The following ATG7 variants were observed in gnomAD, a reference collection of about 807,000 sequenced individuals.
ATG7 encodes the protein autophagy related 7.
Under a neutral mutation model 82.4 loss-of-function variants are expected in ATG7, and 70 were observed. That is an observed-to-expected ratio of 0.85 (90% CI 0.70 to 1.04). The LOEUF is 1.04. Ranked by LOEUF, ATG7 falls within the 50% of genes least tolerant of loss-of-function variation. ATG7 has a pLI of 0.00. For synonymous variants in ATG7, 287 were observed against 313.0 expected, an observed-to-expected ratio of 0.92 and a Z score of 0.88; for missense variants, 792 against 864.3, an observed-to-expected ratio of 0.92 and a Z score of 1.05.
chr3:11,461,158 G>C (rs1362563921), intron 20 of ATG7, among the ~76,000 whole-genome samples: 1 of 152,218 alleles, frequency 6.6e-6, no homozygotes, highest in African/African-American at 2.4e-5. Flanking sequence ...TAGGGTGTCA[G>C]TGCTGGGCAG....
chr3:11,573,484 G>T, the ATG7 span, among the ~76,000 whole-genome samples: 1 of 152,150 alleles, frequency 6.6e-6, no homozygotes, highest in African/African-American at 2.4e-5. Flanking sequence ...AGTATTTGCA[G>T]GTCATCCACC....
chr3:11,530,305 G>A (rs540588795), intron 20 of ATG7, among the ~76,000 whole-genome samples: 6 of 152,272 alleles, frequency 3.9e-5, no homozygotes, highest in South Asian at 2.1e-4. Context: ...TGCGGTGCGC[G>A]TGCAGTCCCT....
intron 20 of ATG7, among the ~76,000 whole-genome samples, chr3:11,492,391 A>G (rs1341359563): frequency 1.2e-4 from 18 of 152,154 alleles, no homozygotes; most frequent in Admixed American, 9.2e-4. Context: ...TGAACCCAGT[A>G]CCTCAGATGG....
intron 19 of ATG7, among the ~76,000 whole-genome samples, chr3:11,397,570 G>T (rs2079420384): frequency 6.6e-6 from 1 of 151,768 alleles, no homozygotes; most frequent in Non-Finnish European, 1.5e-5. Context: ...TGATTCTCCT[G>T]CCTCAGCCTC....
At chr3:11,347,328 A>G (rs553124850) in intron 13 of ATG7, among the ~76,000 whole-genome samples, 3 of 152,246 alleles carry the variant, frequency 2.0e-5, no homozygotes, top group Non-Finnish European at 4.4e-5. Flanking sequence ...AACTATTTCT[A>G]AGAATATAGA....
chr3:11,369,864 G>A (rs1575765411), intron 18 of ATG7, among the ~76,000 whole-genome samples: 1 of 151,080 alleles, frequency 6.6e-6, no homozygotes, highest in East Asian at 1.9e-4. Context: ...GTTTAGGAAG[G>A]CAGCCTGAAG....
At chr3:11,366,419 G>A (rs1235193974) in intron 18 of ATG7, among the ~76,000 whole-genome samples, 2 of 152,016 alleles carry the variant, frequency 1.3e-5, no homozygotes, top group East Asian at 3.9e-4. Flanking sequence ...ACATGCATGT[G>A]TTAATCTTTT....
intron 20 of ATG7, among the ~76,000 whole-genome samples, chr3:11,553,840 T>C (rs1337823638): frequency 2.0e-5 from 3 of 152,202 alleles, no homozygotes; most frequent in African/African-American, 7.2e-5. Context: ...GGTGTTGATA[T>C]TTACCTTGGC....
At chr3:11,492,928 T>A (rs1266091801) in intron 20 of ATG7, among the ~76,000 whole-genome samples, 1 of 152,246 alleles carries the variant, frequency 6.6e-6, no homozygotes, top group Non-Finnish European at 1.5e-5. Flanking sequence ...CAATGCTCTC[T>A]TAGCTCCGCC....
At chr3:11,570,748 T>C in the ATG7 span, among the ~76,000 whole-genome samples, 2 of 152,328 alleles carry the variant, frequency 1.3e-5, no homozygotes, top group African/African-American at 4.8e-5. Flanking sequence ...GTGAGATGTC[T>C]TCTCCCTTTT....
At chr3:11,461,680 A>G (rs918220312) in intron 20 of ATG7, among the ~76,000 whole-genome samples, 1 of 152,196 alleles carries the variant, frequency 6.6e-6, no homozygotes, top group African/African-American at 2.4e-5. Flanking sequence ...GAAACAGAAC[A>G]TCAAAACCAA....
Position 11,331,375 on chromosome 3 carries a change from C to G in ATG7, c.714C>G (p.Ala238=), listed in dbSNP as rs528024913. 6.2e-7 allele frequency: 1 copy of G among 1,613,724 alleles called. No individual in the cohort carries two copies. Among genetic ancestry groups the G allele is most frequent in the Non-Finnish European group, 8.5e-7 (1 of 1,179,782 alleles). ...TIGVYDPCNL[A]QYPGWPLRNF... Reference sequence around the variant, plus strand: ...GTGTATATGATCCCTGTAACTTAGCCCAGTACCCTGGATGGCCTTTGAGGA... The same window carrying G: ...GTGTATATGATCCCTGTAACTTAGCGCAGTACCCTGGATGGCCTTTGAGGA... The change falls in exon 10 of 21, where the codon GCC becomes GCG. Residue 238 remains alanine, a synonymous_variant. Transcript: ENST00000693202.
In ATG7 at chr3:11,531,741, G is replaced by A. The variant is rs889265999; in HGVS notation, c.2080-23070G>A. Among the ~76,000 whole-genome samples, 5 of 151,982 alleles carry A rather than the reference G, an allele frequency of 3.3e-5. No homozygotes were observed. In the East Asian group the frequency reaches 7.8e-4, roughly 24 times the overall value. ...TAGCCAGGCATGATGGCACATGTCC[G>A]TAGTCCCAGCTACTCGGGAGGCTGA... On this transcript the variant is annotated intron_variant, in intron 20 of 20. Transcript: ENST00000693202.
chr3:11,437,179 T>C (rs779887264), intron 20 of ATG7, among the ~76,000 whole-genome samples: 4 of 152,222 alleles, frequency 2.6e-5, no homozygotes, highest in Admixed American at 6.5e-5. Flanking sequence ...TGATTTTCTC[T>C]CTGTGACAGG....
intron 19 of ATG7, among the ~76,000 whole-genome samples, chr3:11,383,043 C>T (rs1338885630): frequency 6.6e-6 from 1 of 152,192 alleles, no homozygotes; most frequent in Non-Finnish European, 1.5e-5. Context: ...AAGACATTCT[C>T]TTACCTAAAC....
chr3:11,352,890 GGGAAAGGCCAGTGGC>G (rs1473704351), intron 14 of ATG7, among the ~76,000 whole-genome samples: 1 of 152,146 alleles, frequency 6.6e-6, no homozygotes, highest in Non-Finnish European at 1.5e-5. Context: ...AGAGAGTGGT[GGGAAAGGCCAGTGGC>G]CAGGAGGAGC....
rs114820735 is a variant in ATG7 at position 11,537,552 on chromosome 3, C to T, written c.2080-17259C>T. 1.6e-3 allele frequency among the ~76,000 whole-genome samples: 239 copies of T among 152,292 alleles called. 1 individual carries two copies. The highest frequency in any genetic ancestry group is 5.6e-3 in the African/African-American group (233 of 41,546). ...CCATTTTCCTTCCTGATTTCTTAGT[C>T]TCAGTTCCCATTTTCTCTCAAAGAT... is the stretch of plus-strand genomic sequence containing the variant. On this transcript the variant is annotated intron_variant, in intron 20 of 20. Coordinates refer to ENST00000693202, the MANE Select transcript of ATG7 (RefSeq NM_001349232.2).
chr3:11,384,104 C>T (rs2078130501), intron 19 of ATG7, among the ~76,000 whole-genome samples: 1 of 152,218 alleles, frequency 6.6e-6, no homozygotes, highest in Admixed American at 6.5e-5. Flanking sequence ...TAAAGCTAGG[C>T]AGCTTCAGGT....
At chr3:11,565,057 C>T in the ATG7 span, 1 of 1,455,582 alleles carries the variant, frequency 6.9e-7, no homozygotes, top group South Asian at 1.5e-5. The surrounding 1 kb of genome is among the most constrained non-coding windows in gnomAD (Gnocchi z 4.1). Flanking sequence ...GGCGTTTTCT[C>T]AAAGGCAAAG....
Sources: allele counts gnomAD v4.1 joint callset (sites outside exome capture counted in the v4.1 genomes callset), GRCh38; gene constraint gnomAD v4.1.1; non-coding constraint Gnocchi (gnomAD v3.1); transcripts MANE v1.5; gene names NCBI Gene and HGNC (gene_info 2026-07-23, HGNC 2026-07-21).